CTNNA2: variants seen among roughly 807,000 people sequenced by gnomAD.
The protein encoded by CTNNA2 is catenin alpha-2.
In CTNNA2, 42 loss-of-function variants were observed where a neutral mutation model predicts 101.0. The ratio of observed to expected loss-of-function variants is 0.42; its 90% CI spans 0.32 to 0.54. CTNNA2 has a LOEUF of 0.54. Ranked by LOEUF, CTNNA2 falls within the 20% of genes least tolerant of loss-of-function variation. The pLI is 0.14. For synonymous variants in CTNNA2, 450 were observed against 456.4 expected (o/e 0.99, Z 0.18); for missense variants, 871 against 1,223.1 (o/e 0.71, Z 4.29).
At chr2:80,033,198 A>G (rs1268488936) in intron 7 of CTNNA2, among the ~76,000 whole-genome samples, 3 of 151,786 alleles carry the variant, frequency 2.0e-5, no homozygotes, top group African/African-American at 7.3e-5. Context: ...AAAAAACAAC[A>G]ACACAAAAAC....
intron 7 of CTNNA2, among the ~76,000 whole-genome samples, chr2:79,995,592 C>G (rs895785488): frequency 1.3e-5 from 2 of 152,178 alleles, no homozygotes; most frequent in Non-Finnish European, 2.9e-5. Context: ...GGGAGGATCA[C>G]TTGAGCTTAG....
intron 7 of CTNNA2, among the ~76,000 whole-genome samples, chr2:79,918,727 C>T (rs1422549240): frequency 1.3e-5 from 2 of 152,158 alleles, no homozygotes; most frequent in Non-Finnish European, 2.9e-5. Flanking sequence ...GAAGCAAATA[C>T]TAATGCCTTC....
chr2:79,600,604 AAAATATAAATAACAATG>A (rs551588638), intron 1 of CTNNA2, among the ~76,000 whole-genome samples: 86 of 152,342 alleles, frequency 5.6e-4, no homozygotes, highest in African/African-American at 2.0e-3. Flanking sequence ...GAACACGTAG[AAAATATAAATAACAATG>A]AAATATCCTT....
intron 3 of CTNNA2, among the ~76,000 whole-genome samples, chr2:79,323,762 A>T (rs972605632): frequency 9.9e-5 from 15 of 152,190 alleles, no homozygotes; most frequent in African/African-American, 2.9e-4. Context: ...TCTTTTGGGT[A>T]TAGGGAGGTG....
intron 7 of CTNNA2, among the ~76,000 whole-genome samples, chr2:80,309,884 G>A (rs996417599): frequency 1.2e-4 from 17 of 140,720 alleles, no homozygotes; most frequent in Non-Finnish European, 2.5e-4. Context: ...AAAAAAAAAT[G>A]TAAATAGAGA....
chr2:79,887,741 G>C (rs1323908849), intron 6 of CTNNA2, among the ~76,000 whole-genome samples: 1 of 152,034 alleles, frequency 6.6e-6, no homozygotes, highest in Non-Finnish European at 1.5e-5. Flanking sequence ...TCCATCTTTA[G>C]GGCATAGTAT....
At chr2:80,426,391 T>C (rs1680996217) in intron 9 of CTNNA2, among the ~76,000 whole-genome samples, 1 of 152,118 alleles carries the variant, frequency 6.6e-6, no homozygotes, top group Non-Finnish European at 1.5e-5. Flanking sequence ...CTGAACTTGT[T>C]TTATTCCTTC....
chr2:79,217,922 G>A (rs958452933), intron 2 of CTNNA2, among the ~76,000 whole-genome samples: 2 of 152,162 alleles, frequency 1.3e-5, no homozygotes, highest in Non-Finnish European at 1.5e-5. Context: ...ACACCACATA[G>A]CAGGTACGGA....
chr2:79,367,163 A>T (rs980824364), intron 3 of CTNNA2, among the ~76,000 whole-genome samples: 2 of 152,144 alleles, frequency 1.3e-5, no homozygotes, highest in Non-Finnish European at 2.9e-5. Context: ...CATCACAGAA[A>T]GTCCATGTGG....
chr2:80,068,586 G>A (rs898389530), intron 7 of CTNNA2, among the ~76,000 whole-genome samples: 1 of 152,178 alleles, frequency 6.6e-6, no homozygotes, highest in African/African-American at 2.4e-5. Flanking sequence ...GAAAGCCCAA[G>A]TATGTGATTG....
intron 13 of CTNNA2, among the ~76,000 whole-genome samples, chr2:80,579,781 C>T (rs1405519764): frequency 6.6e-6 from 1 of 152,190 alleles, no homozygotes; most frequent in Non-Finnish European, 1.5e-5. Flanking sequence ...CCATTTTATG[C>T]CTGTCTGACC....
chr2:80,209,851 A>C (rs190606875), intron 7 of CTNNA2, among the ~76,000 whole-genome samples: 3 of 149,936 alleles, frequency 2.0e-5, no homozygotes, highest in Admixed American at 6.6e-5. Context: ...ATAGACCTGT[A>C]GTATTTATAT....
chr2:80,007,575 C>T (rs868461708), intron 7 of CTNNA2, among the ~76,000 whole-genome samples: 13 of 152,224 alleles, frequency 8.5e-5, no homozygotes, highest in Admixed American at 3.3e-4. Flanking sequence ...GGAAACAAGA[C>T]CCCTTTCCCT....
intron 4 of CTNNA2, among the ~76,000 whole-genome samples, chr2:79,501,965 C>CTTTTTTT (rs59130555): frequency 7.8e-6 from 1 of 128,788 alleles, no homozygotes. Flanking sequence ...GGATATTAGT[C>CTTTTTTT]TTTTTTTTTT....
chr2:80,262,941 GACAAAAATAATAAAAACAACAA>G (rs1672726774), intron 7 of CTNNA2, among the ~76,000 whole-genome samples: 1 of 70,174 alleles, frequency 1.4e-5, no homozygotes, highest in Admixed American at 1.4e-4. Context: ...CAACAATATT[GACAAAAATAATAAAAACAACAA>G]TAACAATACC....
chr2:80,184,345 A>G (rs1705976940), intron 7 of CTNNA2, among the ~76,000 whole-genome samples: 1 of 152,176 alleles, frequency 6.6e-6, no homozygotes, highest in Non-Finnish European at 1.5e-5. Flanking sequence ...AAGAAATAAT[A>G]ATAATACTAA....
chr2:79,410,924 T>A (rs571436842), intron 4 of CTNNA2, among the ~76,000 whole-genome samples: 9 of 152,262 alleles, frequency 5.9e-5, no homozygotes, highest in Non-Finnish European at 1.2e-4. Context: ...TGAATCCATC[T>A]GGTCCTGGAC....
At chr2:80,352,995 TGTATCA>T (rs1443338638) in intron 7 of CTNNA2, among the ~76,000 whole-genome samples, 1 of 152,004 alleles carries the variant, frequency 6.6e-6, no homozygotes, top group Non-Finnish European at 1.5e-5. Flanking sequence ...GGACAGTACA[TGTATCA>T]GTGCTTGAGA....
At chr2:80,312,116 C>G (rs368748086) in intron 7 of CTNNA2, among the ~76,000 whole-genome samples, 1 of 152,166 alleles carries the variant, frequency 6.6e-6, no homozygotes, top group Non-Finnish European at 1.5e-5. Context: ...AAATAGCATT[C>G]GAACATAAAT....
Sources: allele counts gnomAD v4.1 joint callset (sites outside exome capture counted in the v4.1 genomes callset), GRCh38; gene constraint gnomAD v4.1.1; transcripts MANE v1.5; gene names NCBI Gene and HGNC (gene_info 2026-07-23, HGNC 2026-07-21).